VPS8: variants seen among roughly 807,000 people sequenced by gnomAD.
VPS8 encodes the protein vacuolar protein sorting-associated protein 8 homolog.
VPS8 carries 129 observed loss-of-function variants against 216.4 expected under a neutral mutation model. The ratio of observed to expected loss-of-function variants is 0.60; its 90% CI spans 0.52 to 0.69. The LOEUF is 0.69. Among genes scored for constraint, VPS8 ranks in the 30% least tolerant of loss-of-function variants. The probability of loss-of-function intolerance (pLI) is 0.00; values close to 1 mark genes in which losing one functional copy is unlikely to be tolerated. For synonymous variants in VPS8, 571 were observed against 565.4 expected, an observed-to-expected ratio of 1.01 and a Z score of -0.14; for missense variants, 1,531 against 1,683.5, an observed-to-expected ratio of 0.91 and a Z score of 1.59.
At chr3:184,934,293 C>A (rs960048004) in intron 34 of VPS8, among the ~76,000 whole-genome samples, 1 of 152,082 alleles carries the variant, frequency 6.6e-6, no homozygotes, top group African/African-American at 2.4e-5. Context: ...TCCTCATCCT[C>A]CCTAAGTAGC....
At chr3:184,874,934 A>G (rs891283106) in intron 21 of VPS8, among the ~76,000 whole-genome samples, 1 of 152,118 alleles carries the variant, frequency 6.6e-6, no homozygotes, top group Non-Finnish European at 1.5e-5. Context: ...GGAAATCAGG[A>G]GATGTATTTC....
intron 34 of VPS8, among the ~76,000 whole-genome samples, chr3:184,933,328 CAT>C (rs1019688200): frequency 1.1e-4 from 16 of 152,204 alleles, no homozygotes; most frequent in African/African-American, 3.6e-4. Flanking sequence ...ACAGCCTTTT[CAT>C]ATGTTTATTG....
At chr3:184,969,506 T>G (rs1748027021) in intron 39 of VPS8, among the ~76,000 whole-genome samples, 1 of 135,728 alleles carries the variant, frequency 7.4e-6, no homozygotes, top group Non-Finnish European at 1.5e-5. Flanking sequence ...CTCAGCTCAT[T>G]ACAACCTCCG....
At chr3:184,962,735 G>A (rs1284142141) in intron 37 of VPS8, among the ~76,000 whole-genome samples, 1 of 42,488 alleles carries the variant, frequency 2.4e-5, no homozygotes, top group Non-Finnish European at 8.7e-5. Context: ...GTGTGTGTGT[G>A]TGTGTGTGTG....
chr3:185,024,787 G>C (rs1757122364), intron 46 of VPS8, among the ~76,000 whole-genome samples: 1 of 152,190 alleles, frequency 6.6e-6, no homozygotes, highest in African/African-American at 2.4e-5. Context: ...TGGATCATCT[G>C]AGGTCAGGAG....
rs549943194 is a variant in VPS8, at chr3:185,018,182, G to T, written c.4003-6154G>T. Reference sequence around the variant, plus strand: ...AAATGTGCTTTCCCTTTAACAGGTCGCAGAGCAGCCTGGCAATCGGGATTA... The same window carrying T: ...AAATGTGCTTTCCCTTTAACAGGTCTCAGAGCAGCCTGGCAATCGGGATTA... On this transcript the variant is annotated intron_variant, in intron 45 of 47. Transcript: ENST00000625842. Among the ~76,000 whole-genome samples the T allele has an allele frequency of 1.3e-5, 2 of 152,270 alleles. 1 individual carries two copies. The highest frequency in any genetic ancestry group is 4.1e-4 in the South Asian group (2 of 4,830).
chr3:185,012,743 A>AT (rs1158142000), intron 45 of VPS8, among the ~76,000 whole-genome samples: 1 of 152,178 alleles, frequency 6.6e-6, no homozygotes, highest in African/African-American at 2.4e-5. Flanking sequence ...CACGTATTGT[A>AT]TGTGACATTC....
chr3:184,860,343 TC>T (rs1726057968), intron 15 of VPS8, among the ~76,000 whole-genome samples: 1 of 115,074 alleles, frequency 8.7e-6, no homozygotes, highest in Non-Finnish European at 1.7e-5. Context: ...AGACCCTGTC[TC>T]TTAAAAAAAA....
chr3:184,907,354 C>T (rs765188605), intron 25 of VPS8, among the ~76,000 whole-genome samples: 1 of 152,194 alleles, frequency 6.6e-6, no homozygotes, highest in Non-Finnish European at 1.5e-5. Context: ...AGAGGGATGA[C>T]TTTGAGTTCT....
At chr3:184,947,648 T>C (rs903112887) in intron 36 of VPS8, among the ~76,000 whole-genome samples, 2 of 152,058 alleles carry the variant, frequency 1.3e-5, no homozygotes, top group Non-Finnish European at 2.9e-5. Context: ...AGGTTAATGT[T>C]TGGGGCAGTC....
chr3:184,984,334 C>T (rs1206644109), intron 42 of VPS8, among the ~76,000 whole-genome samples: 1 of 147,952 alleles, frequency 6.8e-6, no homozygotes, highest in Admixed American at 6.7e-5. Flanking sequence ...ACTCTTGTTG[C>T]CCAGGCTGGA....
intron 1 of VPS8, among the ~76,000 whole-genome samples, chr3:184,819,280 T>C (rs1392531202): frequency 6.6e-6 from 1 of 152,184 alleles, no homozygotes; most frequent in East Asian, 1.9e-4. Context: ...TTCCATGACA[T>C]GTATTTCCTA....
intron 5 of VPS8, 82 bp from the exon 6 acceptor site, chr3:184,838,632 A>G: frequency 8.9e-7 from 1 of 1,124,994 alleles, no homozygotes; most frequent in South Asian, 1.5e-5. Context: ...TGGAGCAAGT[A>G]TATGTAAAGC....
At position 184,849,993 on chromosome 3, in the gene VPS8, C is replaced by A; in HGVS notation, c.724C>A (p.Pro242Thr). The A allele has an allele frequency of 6.2e-7, 1 of 1,613,126 alleles. No homozygotes were observed. The highest frequency in any genetic ancestry group is 1.7e-4 in the Middle Eastern group (1 of 6,056). ...TCTAAGATCAATAACAGATGCTCAT[C>A]CTCCAGGAACAGCAATATTGCATAT... ...KLLRSITDAH[P>T]PGTAILHIKF... Residue 242 changes from proline to threonine, a missense_variant, in exon 10 of 48, where the codon CCT becomes ACT. Pro to Thr is a conservative substitution (Grantham distance 38). Transcript: ENST00000625842.
intron 36 of VPS8, among the ~76,000 whole-genome samples, chr3:184,955,582 G>A (rs1057393950): frequency 1.3e-5 from 2 of 151,834 alleles, no homozygotes; most frequent in African/African-American, 2.4e-5. Flanking sequence ...GTGGTTCCCC[G>A]GGCCCAGCTA....
In VPS8 at chr3:184,852,708, T is replaced by G. The variant is rs1476511120; in HGVS notation, c.821+141T>G. ...GTGTATTACAATTACCTGGGAAGGC[T>G]TATATTAATAGAACAAACAGAGTTC... On this transcript the variant is annotated intron_variant, in intron 11 of 47. Coordinates refer to ENST00000625842, the MANE Select transcript of VPS8 (RefSeq NM_001009921.3). The G allele has an allele frequency of 3.8e-6, 3 of 786,268 alleles. No individual in the cohort carries two copies. The East Asian group carries it at 8.1e-5, about 21-fold the overall frequency. The allele number at this position is 786,268 out of a possible 1,614,324, so 48.7% of individuals were successfully genotyped here. A position where few individuals can be genotyped will look rare whatever the true frequency, so the allele number is the denominator to read the frequency against.
At chr3:184,985,086 T>G (rs917161096) in intron 42 of VPS8, among the ~76,000 whole-genome samples, 4 of 152,236 alleles carry the variant, frequency 2.6e-5, no homozygotes, top group African/African-American at 9.6e-5. Context: ...TTTGCATGTT[T>G]GTGATTACTG....
At chr3:184,967,364 A>G (rs572051194) in intron 39 of VPS8, among the ~76,000 whole-genome samples, 2 of 152,222 alleles carry the variant, frequency 1.3e-5, no homozygotes, top group Non-Finnish European at 2.9e-5. Flanking sequence ...GTGCCAAACA[A>G]CAGCAAATCA....
chr3:185,017,412 T>G (rs561875354), intron 45 of VPS8, among the ~76,000 whole-genome samples: 1 of 152,162 alleles, frequency 6.6e-6, no homozygotes, highest in East Asian at 1.9e-4. Flanking sequence ...ATAAGCTGCT[T>G]TGTCTTGTTT....
Sources: gnomAD v4.1 joint callset for allele counts (sites outside exome capture counted in the v4.1 genomes callset) on GRCh38, gnomAD v4.1.1 for gene constraint, MANE v1.5 for transcripts, NCBI Gene and HGNC (gene_info 2026-07-23, HGNC 2026-07-21) for gene names.